DPP10: variants seen among roughly 807,000 people sequenced by gnomAD.
The protein encoded by DPP10 is inactive dipeptidyl peptidase 10.
A neutral mutation model predicts 120.9 loss-of-function variants in DPP10; 33 were observed. That is an observed-to-expected ratio of 0.27 (90% CI 0.21 to 0.37). DPP10 has a LOEUF of 0.37. Ranked by LOEUF, DPP10 falls within the 10% of genes least tolerant of loss-of-function variation. The pLI is 1.00. For synonymous variants in DPP10, 337 were observed against 326.1 expected, an observed-to-expected ratio of 1.03 and a Z score of -0.36; for missense variants, 816 against 942.8, an observed-to-expected ratio of 0.87 and a Z score of 1.76.
intron 1 of DPP10, chr2:114,828,420 A>G (rs1314796613): frequency 1.3e-5 from 2 of 152,242 alleles, no homozygotes; most frequent in African/African-American, 4.8e-5. Context: ...ATACATAAAC[A>G]TGACATATTT....
intron 4 of DPP10, among the ~76,000 whole-genome samples, chr2:115,500,256 G>A (rs1380114690): frequency 1.3e-5 from 2 of 151,832 alleles, no homozygotes; most frequent in African/African-American, 4.8e-5. Flanking sequence ...TGCAAATGTT[G>A]AAAATCTAGC....
At chr2:115,709,685 GCA>G (rs2092254245) in intron 7 of DPP10, among the ~76,000 whole-genome samples, 1 of 151,736 alleles carries the variant, frequency 6.6e-6, no homozygotes. Context: ...AGAGTCTGTG[GCA>G]CACAGATCAA....
At chr2:115,088,474 G>T (rs1708918659) in intron 1 of DPP10, among the ~76,000 whole-genome samples, 1 of 151,462 alleles carries the variant, frequency 6.6e-6, no homozygotes, top group Admixed American at 6.6e-5. Flanking sequence ...TGAGAGACGG[G>T]GTCTTGCTGG....
chr2:115,500,956 A>T (rs2076650670), intron 4 of DPP10, among the ~76,000 whole-genome samples: 1 of 152,040 alleles, frequency 6.6e-6, no homozygotes, highest in Non-Finnish European at 1.5e-5. Context: ...ATTAGTAAGA[A>T]GATAGGATAG....
chr2:115,460,409 G>GT (rs1173857588), intron 3 of DPP10, among the ~76,000 whole-genome samples: 1 of 152,070 alleles, frequency 6.6e-6, no homozygotes, highest in Non-Finnish European at 1.5e-5. Context: ...ATTCCCATGG[G>GT]TAAAAAAGCA....
At chr2:115,283,327 T>C (rs930660056) in intron 1 of DPP10, among the ~76,000 whole-genome samples, 1 of 152,104 alleles carries the variant, frequency 6.6e-6, no homozygotes, top group African/African-American at 2.4e-5. Context: ...CTTTGTGATA[T>C]AGAGCATTGT....
intron 3 of DPP10, among the ~76,000 whole-genome samples, chr2:115,455,396 T>C (rs1357996615): frequency 2.6e-5 from 4 of 151,964 alleles, no homozygotes; most frequent in Admixed American, 1.3e-4. Flanking sequence ...ACTGCCCAAA[T>C]TGATTTATAG....
At chr2:115,717,253 C>T (rs1383196357) in intron 7 of DPP10, among the ~76,000 whole-genome samples, 1 of 152,092 alleles carries the variant, frequency 6.6e-6, no homozygotes, top group Non-Finnish European at 1.5e-5. Context: ...CAGAAATAGA[C>T]TCAGGCTTAC....
chr2:115,168,714 G>T (rs373221130), intron 1 of DPP10, among the ~76,000 whole-genome samples: 32 of 152,258 alleles, frequency 2.1e-4, no homozygotes, highest in African/African-American at 7.7e-4. Context: ...GTCGTTTTCA[G>T]TATAGTAGAG....
intron 1 of DPP10, among the ~76,000 whole-genome samples, chr2:114,598,723 T>A (rs746488201): frequency 6.6e-6 from 1 of 151,818 alleles, no homozygotes; most frequent in Non-Finnish European, 1.5e-5. Flanking sequence ...AACATGGAGA[T>A]CATTGATGGT....
chr2:115,534,428 AAGGAC>A (rs1223879808), intron 5 of DPP10, among the ~76,000 whole-genome samples: 4 of 151,128 alleles, frequency 2.6e-5, no homozygotes, highest in Non-Finnish European at 5.9e-5. Flanking sequence ...TGTCCCTACA[AAGGAC>A]ATGAACTCAT....
At chr2:115,535,741 A>T (rs2078785803) in intron 5 of DPP10, among the ~76,000 whole-genome samples, 1 of 151,694 alleles carries the variant, frequency 6.6e-6, no homozygotes. Context: ...CTTCCTACCC[A>T]TGAGCATGGA....
chr2:115,260,568 T>TA (rs1333518527), intron 1 of DPP10, among the ~76,000 whole-genome samples: 1 of 152,210 alleles, frequency 6.6e-6, no homozygotes. Context: ...CAGTGAGAAG[T>TA]ACTGTTGTTT....
chr2:114,741,664 G>A (rs957733022), intron 1 of DPP10, among the ~76,000 whole-genome samples: 1 of 152,088 alleles, frequency 6.6e-6, no homozygotes, highest in African/African-American at 2.4e-5. Flanking sequence ...GAGGTCATTA[G>A]GGAGTCTCTA....
intron 5 of DPP10, among the ~76,000 whole-genome samples, chr2:115,654,159 C>A (rs2088067856): frequency 6.6e-6 from 1 of 151,736 alleles, no homozygotes; most frequent in Non-Finnish European, 1.5e-5. Context: ...CTGCTTCCCC[C>A]ATCCCCTGCA....
chr2:114,978,480 T>A lies in DPP10; in HGVS notation c.61-330759T>A, dbSNP rs114994982. Among the ~76,000 whole-genome samples the A allele has an allele frequency of 8.6e-3, 1,316 of 152,242 alleles. 4 individuals carry two copies. The highest frequency in any genetic ancestry group is 0.013 in the Non-Finnish European group (901 of 68,006). On this transcript the variant is annotated intron_variant, in intron 1 of 25. Transcript: ENST00000410059. ...TGTGCAATCACAGGGAAAGTAGTAG[T>A]TGGTGCAATATACTTGTCTATAACA...
At chr2:115,419,118 G>A (rs1054013211) in intron 3 of DPP10, among the ~76,000 whole-genome samples, 3 of 152,270 alleles carry the variant, frequency 2.0e-5, no homozygotes, top group Middle Eastern at 3.4e-3. Context: ...CCATAACCTA[G>A]CTAAGTGGAC....
chr2:115,312,248 T>G (rs1387905298), intron 2 of DPP10, among the ~76,000 whole-genome samples: 1 of 152,210 alleles, frequency 6.6e-6, no homozygotes, highest in African/African-American at 2.4e-5. Flanking sequence ...CTATACTTTC[T>G]GCAAACTCAA....
rs11347067 is a variant in DPP10, at chr2:114,817,303, CAA to C, written c.60+374477_60+374478del. On this transcript the variant is annotated intron_variant, in intron 1 of 25. Transcript: ENST00000410059. ...GGGGGATATCAGCCAGTGTCCTGGC[CAA>C]AAAAAAAAAAAGGCTCACATGAAAG... Among the ~76,000 whole-genome samples, 1,192 of 136,004 alleles carry C rather than the reference CAA, an allele frequency of 8.8e-3. 13 individuals are homozygous for C. Among genetic ancestry groups the C allele is most frequent in the African/African-American group, 0.028 (1,036 of 37,516 alleles). The allele number at this position is 136,004 out of a possible 152,430, so 89.2% of individuals were successfully genotyped here.
Sources: allele counts gnomAD v4.1 joint callset (sites outside exome capture counted in the v4.1 genomes callset), GRCh38; gene constraint gnomAD v4.1.1; transcripts MANE v1.5; gene names NCBI Gene and HGNC (gene_info 2026-07-23, HGNC 2026-07-21).